Variants in FER1L5 observed in about 807,000 individuals in gnomAD.
FER1L5 encodes the protein fer-1-like protein 5.
FER1L5 carries 187 observed loss-of-function variants against 279.9 expected under a neutral mutation model. The observed-to-expected ratio is 0.67, with a 90% CI of 0.59 to 0.75. FER1L5 has a LOEUF of 0.75. FER1L5 is among the 30% of genes least tolerant of loss of function. FER1L5 has a pLI of 0.00. For synonymous variants in FER1L5, 921 were observed against 989.7 expected (o/e 0.93, Z 1.30); for missense variants, 2,091 against 2,594.4 (o/e 0.81, Z 4.21).
In FER1L5 at chr2:96,702,225, C is replaced by T. The variant is rs1220691654; in HGVS notation, c.5160-81C>T. On this transcript the variant is annotated intron_variant, in intron 46 of 52. Coordinates refer to ENST00000624922, the MANE Select transcript of FER1L5 (RefSeq NM_001293083.2). This position sits in a 1 kb window ranked among gnomAD's most constrained non-coding sequence, Gnocchi z 4.0. ...CACTGAGCAAAAACACACAGGGCAG[C>T]CTCCCAGGCTTCTCTGCCCTCACTG... 1.3e-6 allele frequency: 2 copies of T among 1,571,728 alleles called. No individual in the cohort carries two copies. Among genetic ancestry groups the T allele is most frequent in the Non-Finnish European group, 1.7e-6 (2 of 1,158,842 alleles).
In FER1L5 at chr2:96,692,075, G is replaced by A. The variant is rs753915801; in HGVS notation, c.3215-29G>A. On this transcript the variant is annotated intron_variant, in intron 30 of 52. Transcript: ENST00000624922. ...AGGGAGCCGCTGGGGTCCTGGGGCA[G>A]GTGACAGGCATGGCTTCTCTTTCCC... The A allele has an allele frequency of 6.4e-5, 100 of 1,551,082 alleles. No individual in the cohort carries two copies. The African/African-American group carries it at 1.1e-3, about 17-fold the overall frequency.
intron 31 of FER1L5, among the ~76,000 whole-genome samples, chr2:96,693,041 T>TG (rs929721373): frequency 6.6e-6 from 1 of 151,842 alleles, no homozygotes; most frequent in Non-Finnish European, 1.5e-5. Context: ...CCGGGCGTGG[T>TG]GGCGGGCGGC....
chr2:96,652,166 C>T, intron 7 of FER1L5, 146 bp downstream of exon 7: 3 of 1,164,822 alleles, frequency 2.6e-6, no homozygotes, highest in Non-Finnish European at 3.6e-6. Flanking sequence ...GGGCCAAGCA[C>T]TGAAAATACA....
rs186119851 is a variant in FER1L5 at position 96,668,293 on chromosome 2, G to A, written c.1141-458G>A. ...AATCCCAACATTTTGAGAGCCCTACGCAGGAGGATTGCTTTTGCCCAGGAG... is the reference window on the plus strand; with the variant it reads ...AATCCCAACATTTTGAGAGCCCTACACAGGAGGATTGCTTTTGCCCAGGAG... On this transcript the variant is annotated intron_variant, in intron 14 of 52. Coordinates refer to ENST00000624922, the MANE Select transcript of FER1L5 (RefSeq NM_001293083.2). 1.6e-3 allele frequency among the ~76,000 whole-genome samples: 245 copies of A among 152,168 alleles called. 1 individual carries two copies. The highest frequency in any genetic ancestry group is 5.2e-3 in the African/African-American group (216 of 41,500).
In FER1L5 at chr2:96,702,132, C is replaced by T. The variant is rs977913678; in HGVS notation, c.5159+89C>T. The T allele has an allele frequency of 9.6e-6, 15 of 1,569,074 alleles. No homozygotes were observed. The Admixed American group carries it at 2.7e-4, about 28-fold the overall frequency. On this transcript the variant is annotated intron_variant, in intron 46 of 52. Transcript: ENST00000624922. The surrounding 1 kb of genome is among the most constrained non-coding windows in gnomAD (Gnocchi z 4.0). ...ACCACTGTCCTCAGGTACTGAGCTG[C>T]AGTAATTCGTTTCTCTATTGGGAAG...
intron 51 of FER1L5, among the ~76,000 whole-genome samples, 177 bp downstream of exon 51, chr2:96,703,809 CTT>C (rs35497973): frequency 0.016 from 1,390 of 89,438 alleles, 9 homozygotes; most frequent in African/African-American, 0.051. Context: ...CAAAAGTTGC[CTT>C]TTTTTTTTTT....
At chr2:96,686,786 A>C (rs1023651483) in intron 23 of FER1L5, among the ~76,000 whole-genome samples, 2 of 145,022 alleles carry the variant, frequency 1.4e-5, no homozygotes, top group South Asian at 4.5e-4. Flanking sequence ...TGAACCTGGG[A>C]GACGGAGGTT....
At chr2:96,673,327 G>A (rs1394199677) in intron 19 of FER1L5, 73 bp downstream of exon 19, 2 of 1,399,100 alleles carry the variant, frequency 1.4e-6, no homozygotes, top group South Asian at 2.8e-5. Context: ...CTCTCTCAGG[G>A]GTATTAGCTC....
rs751323122 is a variant in FER1L5, at chr2:96,692,150, C to A, written c.3261C>A (p.Asn1087Lys). 1 of 1,551,680 alleles carries A rather than the reference C, an allele frequency of 6.4e-7. No homozygotes were observed. Among genetic ancestry groups the A allele is most frequent in the South Asian group, 1.2e-5 (1 of 84,066 alleles). ...TCTGCTACATCTACCAGGCCCGGAA[C>A]CTGGTGTCCAATCAGATCCTGACAT... ...QLFCYIYQAR[N>K]LVSNQILTFQ... The change falls in exon 31 of 53, where the codon AAC (asparagine) becomes AAA (lysine). Residue 1087 changes from asparagine to lysine, a missense_variant. Coordinates refer to ENST00000624922, the MANE Select transcript of FER1L5 (RefSeq NM_001293083.2).
chr2:96,657,645 C>T (rs753779741), intron 9 of FER1L5, among the ~76,000 whole-genome samples: 22 of 152,032 alleles, frequency 1.4e-4, no homozygotes, highest in Non-Finnish European at 2.5e-4. Context: ...ACATTTCTTT[C>T]CTAGAGTTCT....
intron 10 of FER1L5, among the ~76,000 whole-genome samples, chr2:96,660,639 C>T (rs1247752470): frequency 6.6e-6 from 1 of 152,224 alleles, no homozygotes; most frequent in African/African-American, 2.4e-5. Context: ...ACTGCTATCT[C>T]TGCCTACTGG....
chr2:96,651,683 T>A lies in FER1L5; in HGVS notation c.505-209T>A, dbSNP rs183625924. Among the ~76,000 whole-genome samples, 13 of 152,142 alleles carry A rather than the reference T, an allele frequency of 8.5e-5. No homozygotes were observed. The East Asian group carries it at 2.5e-3, about 29-fold the overall frequency. ...GCTCAGCTAATTTTTTTGTAATTTTTGTAGAGACGGGGTTTTGCCATGTTG... is the reference window on the plus strand; with the variant it reads ...GCTCAGCTAATTTTTTTGTAATTTTAGTAGAGACGGGGTTTTGCCATGTTG... On this transcript the variant is annotated intron_variant, in intron 6 of 52. Transcript: ENST00000624922.
intron 13 of FER1L5, among the ~76,000 whole-genome samples, chr2:96,662,534 G>A (rs949183341): frequency 3.9e-5 from 6 of 152,290 alleles, no homozygotes; most frequent in Middle Eastern, 3.4e-3. Context: ...CGAAACTGTC[G>A]CCACCCCTCA....
intron 21 of FER1L5, 85 bp from the exon 22 acceptor site, chr2:96,685,855 G>A (rs1382820129): frequency 4.9e-6 from 7 of 1,429,344 alleles, no homozygotes; most frequent in Non-Finnish European, 6.5e-6. Context: ...GCCAGGAGGG[G>A]CACGCTGGCC....
chr2:96,682,114 T>C (rs1233678595), intron 19 of FER1L5, among the ~76,000 whole-genome samples: 1 of 148,254 alleles, frequency 6.7e-6, no homozygotes, highest in Non-Finnish European at 1.5e-5. Flanking sequence ...CGAGGTGGAG[T>C]CTGGCTCTGT....
chr2:96,699,114 ACT>A lies in FER1L5; in HGVS notation c.4591_4592del (p.Leu1531GlyfsTer9). 6.2e-7 allele frequency: 1 copy of A among 1,609,652 alleles called. No individual in the cohort carries two copies. The highest frequency in any genetic ancestry group is 1.1e-5 in the South Asian group (1 of 90,144). Reference protein sequence around the residue: ...LGNRDMYQPNTLDPIFGMMFE... With the variant: ...LGNRDMYQPNXLDPIFGMMFE... The stretch of plus-strand genomic sequence containing the variant: ...CAACCGGGACATGTACCAGCCCAAC[ACT>A]CTGGATCCCATCTTTGGCATGTGAG... On this transcript the variant is annotated frameshift_variant, in exon 42 of 53. Transcript: ENST00000624922. LOFTEE classifies it high-confidence loss of function.
In FER1L5 at chr2:96,704,630, C is replaced by T. The variant is rs757954336; in HGVS notation, c.6112C>T (p.His2038Tyr). 1.2e-6 allele frequency: 2 copies of T among 1,613,910 alleles called. No individual in the cohort carries two copies. Among genetic ancestry groups the T allele is most frequent in the Non-Finnish European group, 1.7e-6 (2 of 1,179,902 alleles). The change falls in exon 53 of 53, where the codon CAC (histidine) becomes TAC (tyrosine). Residue 2038 changes from histidine (H) to tyrosine (Y), a missense_variant. By Grantham distance (83) the His-to-Tyr change is moderately conservative. Transcript: ENST00000624922. ...KPTIDHEWKL[H>Y]PGPTNHLSDI... Reference sequence around the variant, plus strand: ...TACAATAGACCATGAGTGGAAACTCCACCCAGGACCCACAAATCACCTGAG... The same window carrying T: ...TACAATAGACCATGAGTGGAAACTCTACCCAGGACCCACAAATCACCTGAG...
rs569702955 is a variant in FER1L5 at position 96,680,393 on chromosome 2, C to T, written c.1670-3934C>T. On this transcript the variant is annotated intron_variant, in intron 19 of 52. Transcript: ENST00000624922. ...TTCCCTTTGAAAATTACCTCTTCCCCACTGTATCTCCTTCCGGAACTCACT... is the reference window on the plus strand; with the variant it reads ...TTCCCTTTGAAAATTACCTCTTCCCTACTGTATCTCCTTCCGGAACTCACT... Among the ~76,000 whole-genome samples, 23 of 152,166 alleles carry T rather than the reference C, an allele frequency of 1.5e-4. No homozygotes were observed. In the South Asian group the frequency reaches 1.9e-3, roughly 12 times the overall value.
At position 96,703,162 on chromosome 2, in the gene FER1L5, A is replaced by G. The variant is rs765653980; in HGVS notation, c.5507A>G (p.Glu1836Gly). ...ATTTTTCTGGGCTCAGGGGTCCTGG[A>G]GCTGGATTTGTCTGACATGCCCCTC... ...FSPDDFLGVL[E>G]LDLSDMPLPA... is the part of the protein sequence containing the mutation. Residue 1836 changes from glutamate (E) to glycine (G), a missense_variant, in exon 50 of 53, where the codon GAG (glutamate) becomes GGG (glycine). Physicochemically the swap from Glu to Gly is moderately conservative, Grantham distance 98. Coordinates refer to ENST00000624922, the MANE Select transcript of FER1L5 (RefSeq NM_001293083.2). 2.5e-6 allele frequency: 4 copies of G among 1,612,798 alleles called. No individual in the cohort carries two copies. The highest frequency in any genetic ancestry group is 3.4e-6 in the Non-Finnish European group (4 of 1,179,210).
Sources: gnomAD v4.1 joint callset for allele counts (sites outside exome capture counted in the v4.1 genomes callset) on GRCh38, gnomAD v4.1.1 for gene constraint, Gnocchi (gnomAD v3.1) non-coding constraint, MANE v1.5 for transcripts, NCBI Gene and HGNC (gene_info 2026-07-23, HGNC 2026-07-21) for gene names.